DYDC2: variants seen among roughly 807,000 people sequenced by gnomAD.
The protein encoded by DYDC2 is DPY30 domain-containing protein 2.
In DYDC2, 19 loss-of-function variants were observed where a neutral mutation model predicts 18.7. That is an observed-to-expected ratio of 1.02 (90% confidence interval 0.71 to 1.49). DYDC2 has a LOEUF of 1.49. Ranked by LOEUF, DYDC2 falls within the 40% of genes most tolerant of loss-of-function variation. The pLI is 0.00. For missense variants in DYDC2, 179 were observed against 205.1 expected (o/e 0.87, Z 0.78); for synonymous variants, 63 against 67.6 (o/e 0.93, Z 0.34).
chr10:80,347,167 C>T (rs765542586), intron 1 of DYDC2, among the ~76,000 whole-genome samples: 7 of 151,416 alleles, frequency 4.6e-5, no homozygotes, highest in South Asian at 2.1e-4. Context: ...TGATGACTAG[C>T]GGTGTTGAAC....
rs1274263624 is a variant in DYDC2 at position 80,366,742 on chromosome 10, A to C, written c.325A>C (p.Thr109Pro). The C allele has an allele frequency of 6.2e-7, 1 of 1,614,104 alleles. No individual in the cohort carries two copies. Among genetic ancestry groups the C allele is most frequent in the East Asian group, 2.2e-5 (1 of 44,886 alleles). The change falls in exon 5 of 5, where the codon ACA (threonine) becomes CCA (proline). Residue 109 changes from threonine to proline, a missense_variant. By Grantham distance (38) the Thr-to-Pro change is conservative (BLOSUM62 -1). Transcript: ENST00000256039. ...TKKTIFMQED[T>P]NPLEKEALKQ... is the part of the protein sequence containing the mutation. ...GAAGACCATATTCATGCAGGAGGAC[A>C]CAAACCCCCTTGAGAAGGAGGCCTT...
At chr10:80,345,307 G>T (rs767347028) in intron 1 of DYDC2, among the ~76,000 whole-genome samples, 4 of 152,084 alleles carry the variant, frequency 2.6e-5, no homozygotes, top group Non-Finnish European at 5.9e-5. Context: ...TCAGGGTCAA[G>T]ATTTAACTTT....
chr10:80,356,595 A>C (rs935061551), upstream of DYDC2: 3 of 985,376 alleles, frequency 3.0e-6, no homozygotes, highest in African/African-American at 5.2e-5. Context: ...TCTCCGCCTC[A>C]GGTGAGTCCT....
upstream of DYDC2, among the ~76,000 whole-genome samples, chr10:80,356,064 A>C (rs927843133): frequency 6.6e-6 from 1 of 150,668 alleles, no homozygotes; most frequent in South Asian, 2.1e-4. Flanking sequence ...GAGGAAGGGG[A>C]CCATTATCCC....
In DYDC2 at chr10:80,363,098, G is replaced by A. The variant is rs752817348; in HGVS notation, c.270+25G>A. On this transcript the variant is annotated intron_variant, in intron 4 of 4. Coordinates refer to ENST00000256039, the MANE Select transcript of DYDC2 (RefSeq NM_032372.6). Reference sequence around the variant, plus strand: ...GGTAGGGAGAAGGACTCAGCTTTGGGTTGCCACACACATCCCAGTGATGGA... The same window carrying A: ...GGTAGGGAGAAGGACTCAGCTTTGGATTGCCACACACATCCCAGTGATGGA... 40 of 1,600,442 alleles carry A rather than the reference G, an allele frequency of 2.5e-5. No homozygotes were observed. The Middle Eastern group carries it at 6.6e-4, about 27-fold the overall frequency.
Position 80,360,851 on chromosome 10 carries a change from C to T in DYDC2, c.-9-1584C>T, listed in dbSNP as rs1843646503. Among the ~76,000 whole-genome samples the T allele has an allele frequency of 2.0e-5, 3 of 151,680 alleles. No individual in the cohort carries two copies. In the South Asian group the frequency reaches 6.2e-4, roughly 32 times the overall value. On this transcript the variant is annotated intron_variant, in intron 2 of 4. Transcript: ENST00000256039. ...CTCAACGCATTGCAGCCACAACCTC[C>T]TGGGCTCAAGTGATCCTCCCACCTC...
chr10:80,349,642 A>C (rs1407500699), intron 1 of DYDC2, among the ~76,000 whole-genome samples: 1 of 152,242 alleles, frequency 6.6e-6, no homozygotes, highest in East Asian at 1.9e-4. Flanking sequence ...ATCAACTTTC[A>C]GACATTGGTA....
At chr10:80,360,669 A>G (rs983350280) in intron 2 of DYDC2, among the ~76,000 whole-genome samples, 2 of 152,186 alleles carry the variant, frequency 1.3e-5, no homozygotes, top group Admixed American at 1.3e-4. Context: ...TAACTTGGAT[A>G]AATTATGTCA....
intron 4 of DYDC2, among the ~76,000 whole-genome samples, chr10:80,365,149 C>T (rs760727015): frequency 1.3e-5 from 2 of 151,692 alleles, no homozygotes; most frequent in Non-Finnish European, 2.9e-5. Context: ...TTTCCTTGAT[C>T]GCTTTAAAAA....
chr10:80,358,720 G>T (rs1843552759), intron 2 of DYDC2, among the ~76,000 whole-genome samples: 1 of 152,144 alleles, frequency 6.6e-6, no homozygotes, highest in African/African-American at 2.4e-5. Context: ...ATCTGTGGTG[G>T]GACCTGAGAT....
chr10:80,345,364 G>C (rs900717877), intron 1 of DYDC2, among the ~76,000 whole-genome samples: 7 of 152,084 alleles, frequency 4.6e-5, no homozygotes, highest in Non-Finnish European at 7.4e-5. Flanking sequence ...TATATATAGT[G>C]AATGCTTACC....
upstream of DYDC2, chr10:80,351,993 C>A: frequency 6.2e-7 from 1 of 1,614,048 alleles, no homozygotes; most frequent in Non-Finnish European, 8.5e-7. Flanking sequence ...TTGGCCATTT[C>A]CTTTTGTCTC....
At chr10:80,360,755 CT>C in intron 2 of DYDC2, among the ~76,000 whole-genome samples, 1 of 147,530 alleles carries the variant, frequency 6.8e-6, no homozygotes, top group Admixed American at 7.0e-5. Flanking sequence ...TTCTTCTTTT[CT>C]TTCTTTCTTT....
chr10:80,349,690 C>T (rs1842875708), intron 1 of DYDC2, among the ~76,000 whole-genome samples: 1 of 152,162 alleles, frequency 6.6e-6, no homozygotes, highest in Non-Finnish European at 1.5e-5. Flanking sequence ...AACAATAATG[C>T]AAAGTGTATT....
At chr10:80,353,636 G>C (rs1488590065), upstream of DYDC2, among the ~76,000 whole-genome samples, 4 of 151,096 alleles carry the variant, frequency 2.6e-5, no homozygotes, top group Non-Finnish European at 4.4e-5. Flanking sequence ...CGGATCACAA[G>C]GTCAGGAGAT....
At chr10:80,364,444 A>C (rs1843763509) in intron 4 of DYDC2, among the ~76,000 whole-genome samples, 1 of 152,200 alleles carries the variant, frequency 6.6e-6, no homozygotes, top group Non-Finnish European at 1.5e-5. Flanking sequence ...TGTTAATAGA[A>C]ATAGAAATAT....
intron 2 of DYDC2, 47 bp from the exon 3 acceptor site, chr10:80,362,388 C>T (rs1843688766): frequency 3.2e-6 from 5 of 1,569,752 alleles, no homozygotes; most frequent in Non-Finnish European, 4.3e-6. Context: ...TTTTTAATAT[C>T]AGATTAAGTT....
At position 80,349,338 on chromosome 10, in the gene DYDC2, T is replaced by C. The variant is rs191247057; in HGVS notation, c.-310+4523T>C. On this transcript the variant is annotated intron_variant, in intron 1 of 4. Transcript: ENST00000372197. ...AAATTTATATTCAGTGATTATTATT[T>C]GAATTTCATCAATAAAACATTTGCA... Among the ~76,000 whole-genome samples, 1,233 of 152,370 alleles carry C rather than the reference T, an allele frequency of 8.1e-3. 3 individuals carry two copies. The highest frequency in any genetic ancestry group is 0.017 in the Middle Eastern group (5 of 294).
In DYDC2 at chr10:80,363,840, T is replaced by A. The variant is rs558660153; in HGVS notation, c.270+767T>A. Among the ~76,000 whole-genome samples the A allele has an allele frequency of 2.6e-5, 4 of 152,372 alleles. No homozygotes were observed. The South Asian group carries it at 8.3e-4, about 32-fold the overall frequency. ...TATTCTATTTACTTTTCTGTGAAAC[T>A]TCAGATGCCTCCTCTGTGATGTTAT... On this transcript the variant is annotated intron_variant, in intron 4 of 4. Transcript: ENST00000256039.
Sources: gnomAD v4.1 joint callset for allele counts (sites outside exome capture counted in the v4.1 genomes callset) on GRCh38, gnomAD v4.1.1 for gene constraint, MANE v1.5 for transcripts, NCBI Gene and HGNC (gene_info 2026-07-23, HGNC 2026-07-21) for gene names.